The following SCUBE1 variants were observed in gnomAD, a reference collection of about 807,000 sequenced individuals.
The protein encoded by SCUBE1 is signal peptide, CUB domain and EGF like domain containing 1, also known as signal peptide, CUB and EGF-like domain-containing protein 1.
A neutral mutation model predicts 124.4 loss-of-function variants in SCUBE1; 59 were observed. The ratio of observed to expected loss-of-function variants is 0.47; its 90% CI spans 0.38 to 0.59. The LOEUF (loss-of-function observed/expected upper bound fraction) is 0.59. SCUBE1 is among the 20% of genes least tolerant of loss of function. SCUBE1 has a pLI of 0.00. For synonymous variants in SCUBE1, 545 were observed against 550.9 expected (o/e 0.99, Z 0.15); for missense variants, 1,150 against 1,371.2 (o/e 0.84, Z 2.55).
chr22:43,261,249 C>G (rs80317770), intron 5 of SCUBE1, among the ~76,000 whole-genome samples: 1 of 152,190 alleles, frequency 6.6e-6, no homozygotes, highest in Non-Finnish European at 1.5e-5. Context: ...GGTGTGGAGA[C>G]GGGGCCTGGA....
At chr22:43,213,126 G>C (rs983888720) in intron 16 of SCUBE1, 1 of 157,840 alleles carries the variant, frequency 6.3e-6, no homozygotes, top group Admixed American at 6.4e-5. Context: ...TTTCAGCTCC[G>C]AGTAAAGAAT....
At position 43,255,681 on chromosome 22, in the gene SCUBE1, C is replaced by T; in HGVS notation, c.727+2538G>A. The T allele has an allele frequency of 2.0e-6, 2 of 976,678 alleles. No homozygotes were observed. Among genetic ancestry groups the T allele is most frequent in the Non-Finnish European group, 3.1e-6 (2 of 636,508 alleles). 60.5% of individuals were successfully genotyped at this position (976,678 alleles called of 1,614,324 possible). On this transcript the variant is annotated intron_variant, in intron 6 of 21. Coordinates refer to ENST00000360835, the MANE Select transcript of SCUBE1 (RefSeq NM_173050.5). The surrounding 1 kb of genome is among the most constrained non-coding windows in gnomAD (Gnocchi z 4.7). ...CTCGGCGTGGCGCACGCAAAGCCAA[C>T]ACAACACGCCGGCCAGCTCGGCATC...
rs1601835262 is a variant in SCUBE1 at position 43,258,140 on chromosome 22, T to G, written c.727+79A>C. 7.4e-6 allele frequency: 7 copies of G among 944,364 alleles called. No homozygotes were observed. The highest frequency in any genetic ancestry group is 5.1e-6 in the Non-Finnish European group (3 of 592,094). The allele number at this position is 944,364 out of a possible 1,614,324, so 58.5% of individuals were successfully genotyped here. A position where few individuals can be genotyped will look rare whatever the true frequency, so the allele number is the denominator to read the frequency against. On this transcript the variant is annotated intron_variant, in intron 6 of 21. Transcript: ENST00000360835. The surrounding 1 kb of genome is among the most constrained non-coding windows in gnomAD (Gnocchi z 5.0). ...TCCGGGGAACCCGGACGTGGCAGGG[T>G]GCTGGCCCTGCTGGTGCACGCATGG...
chr22:43,337,721 A>G (rs1022124126), intron 2 of SCUBE1, among the ~76,000 whole-genome samples: 1 of 152,194 alleles, frequency 6.6e-6, no homozygotes, highest in Non-Finnish European at 1.5e-5. Flanking sequence ...TGCTCAACAA[A>G]TGTGAAGGAT....
chr22:43,343,317 A>ACCGG lies in SCUBE1; in HGVS notation c.-60_-57dup, dbSNP rs1279510871. The ACCGG allele has an allele frequency of 3.4e-6, 3 of 885,640 alleles. No individual in the cohort carries two copies. Among genetic ancestry groups the ACCGG allele is most frequent in the Admixed American group, 5.5e-5 (1 of 18,248 alleles). The allele number at this position is 885,640 out of a possible 1,614,324, so 54.9% of individuals were successfully genotyped here. Reference sequence around the variant, plus strand: ...CGTGCGGGGCGCGGGGACCCGACCGACCGGCCGCTCCCGCAGGCGCTGCTC... The same window carrying ACCGG: ...CGTGCGGGGCGCGGGGACCCGACCGACCGGCCGGCCGCTCCCGCAGGCGCTGCTC... On this transcript the variant is annotated 5_prime_UTR_variant, in exon 1 of 22. Transcript: ENST00000360835.
intron 2 of SCUBE1, among the ~76,000 whole-genome samples, chr22:43,338,624 C>T (rs1428917060): frequency 1.3e-5 from 2 of 152,084 alleles, no homozygotes; most frequent in Admixed American, 6.5e-5. Flanking sequence ...CTCCTGGGTT[C>T]AAGTGATTCT....
At chr22:43,236,692 G>A (rs1428696830) in intron 7 of SCUBE1, among the ~76,000 whole-genome samples, 1 of 152,080 alleles carries the variant, frequency 6.6e-6, no homozygotes, top group Non-Finnish European at 1.5e-5. Flanking sequence ...ATCATTGCCT[G>A]ATAAATGCCT....
intron 17 of SCUBE1, 120 bp downstream of exon 17, chr22:43,212,305 C>T (rs1331605752): frequency 1.7e-6 from 2 of 1,144,496 alleles, no homozygotes; most frequent in East Asian, 2.6e-5. Flanking sequence ...GCTCCAGGCT[C>T]CTCCTCTGAG....
intron 3 of SCUBE1, among the ~76,000 whole-genome samples, chr22:43,302,358 T>G (rs1418049709): frequency 1.3e-5 from 2 of 152,146 alleles, no homozygotes; most frequent in Non-Finnish European, 2.9e-5. Context: ...TGGGCAGAGT[T>G]TCAGGAAGTG....
intron 1 of SCUBE1, among the ~76,000 whole-genome samples, chr22:43,342,512 CA>C (rs1391780101): frequency 2.0e-5 from 3 of 151,678 alleles, no homozygotes; most frequent in Admixed American, 6.6e-5. Context: ...CCGCCCCCCC[CA>C]ACCCCGTTTT....
chr22:43,238,614 C>A, intron 7 of SCUBE1: 1 of 630,182 alleles, frequency 1.6e-6, no homozygotes, highest in Non-Finnish European at 2.9e-6. Flanking sequence ...GCTGATGTGC[C>A]GTGGGACCTG....
At chr22:43,336,781 G>A (rs1320307081) in intron 2 of SCUBE1, among the ~76,000 whole-genome samples, 1 of 152,184 alleles carries the variant, frequency 6.6e-6, no homozygotes, top group Non-Finnish European at 1.5e-5. Context: ...GTATATAAGT[G>A]GAGGTATCAG....
rs1197065472 is a variant in SCUBE1, at chr22:43,238,852, C to A, written c.830G>T (p.Gly277Val). ...CPVGFTLQPD[G>V]KTCKDINECL... Reference sequence around the variant, plus strand: ...CACATGCTGACCTTTGCATGTCTTCCCGTCCGGCTGCAGTGTGAATCCAAC... The same window carrying A: ...CACATGCTGACCTTTGCATGTCTTCACGTCCGGCTGCAGTGTGAATCCAAC... The change falls in exon 7 of 22, where the codon GGG (glycine) becomes GTG (valine). Residue 277 changes from glycine to valine, a missense_variant. Around this residue, in one of 3 missense-constraint regions of SCUBE1, gnomAD observed 337 missense variants for 482.1 expected, o/e 0.70. Coordinates refer to ENST00000360835, the MANE Select transcript of SCUBE1 (RefSeq NM_173050.5). The A allele has an allele frequency of 6.2e-7, 1 of 1,613,096 alleles. No individual in the cohort carries two copies. The highest frequency in any genetic ancestry group is 8.5e-7 in the Non-Finnish European group (1 of 1,179,862).
intron 4 of SCUBE1, among the ~76,000 whole-genome samples, chr22:43,281,385 CCT>C (rs1279752197): frequency 4.8e-5 from 4 of 82,614 alleles, no homozygotes; most frequent in African/African-American, 3.4e-4. Flanking sequence ...TCTGTCATCT[CCT>C]CCTCAGCTAT....
At chr22:43,309,519 G>T (rs532051569) in intron 3 of SCUBE1, among the ~76,000 whole-genome samples, 1 of 152,120 alleles carries the variant, frequency 6.6e-6, no homozygotes, top group East Asian at 1.9e-4. Context: ...AAATCTTTAC[G>T]AAATGAGTGA....
intron 3 of SCUBE1, among the ~76,000 whole-genome samples, chr22:43,298,969 G>A (rs1451776019): frequency 6.6e-6 from 1 of 151,714 alleles, no homozygotes; most frequent in Non-Finnish European, 1.5e-5. Flanking sequence ...GGAGCATGGT[G>A]TGAACCCGGG....
chr22:43,298,648 C>G (rs544722960), intron 3 of SCUBE1, among the ~76,000 whole-genome samples: 147 of 152,358 alleles, frequency 9.6e-4, no homozygotes, highest in African/African-American at 3.2e-3. Context: ...AGTCTACCGC[C>G]CAGTGCAGAC....
At chr22:43,241,292 CAGGGG>C (rs1175830350) in intron 6 of SCUBE1, among the ~76,000 whole-genome samples, 1 of 152,104 alleles carries the variant, frequency 6.6e-6, no homozygotes, top group Non-Finnish European at 1.5e-5. Flanking sequence ...CGCTCCACAG[CAGGGG>C]TCACGTGGTC....
intron 2 of SCUBE1, among the ~76,000 whole-genome samples, chr22:43,326,939 A>G (rs1926746168): frequency 1.3e-5 from 2 of 152,000 alleles, no homozygotes; most frequent in African/African-American, 4.8e-5. Context: ...CCCCTCCCCC[A>G]GCCCAAGCAG....
Sources: allele counts gnomAD v4.1 joint callset (sites outside exome capture counted in the v4.1 genomes callset), GRCh38; gene constraint gnomAD v4.1.1; regional missense constraint gnomAD v4.1.1; non-coding constraint Gnocchi (gnomAD v3.1); transcripts MANE v1.5; gene names NCBI Gene and HGNC (gene_info 2026-07-23, HGNC 2026-07-21).